HS1BP3: variants seen among roughly 807,000 people sequenced by gnomAD.
HS1BP3 encodes the protein HCLS1 binding protein 3.
HS1BP3 carries 32 observed loss-of-function variants against 33.5 expected under a neutral mutation model. That is an observed-to-expected ratio of 0.95 (90% CI 0.72 to 1.28). HS1BP3 has a LOEUF of 1.28. Among genes scored for constraint, HS1BP3 ranks in the 50% most tolerant of loss-of-function variants. The probability of loss-of-function intolerance (pLI) is 0.00; values close to 1 mark genes in which losing one functional copy is unlikely to be tolerated. For missense variants in HS1BP3, 486 were observed against 502.3 expected (o/e 0.97, Z 0.31); for synonymous variants, 187 against 209.2 (o/e 0.89, Z 0.92).
intron 4 of HS1BP3, chr2:20,635,815 C>T (rs374311375): frequency 1.8e-4 from 27 of 152,246 alleles, no homozygotes; most frequent in African/African-American, 6.3e-4. Context: ...GAGGTGAGGG[C>T]TTTTTCTATC....
downstream of HS1BP3, among the ~76,000 whole-genome samples, chr2:20,616,486 C>G (rs1572335395): frequency 6.6e-6 from 1 of 152,342 alleles, no homozygotes; most frequent in East Asian, 1.9e-4. Flanking sequence ...TGAAAGGGCC[C>G]CAGGGCCAGT....
chr2:20,622,402 C>A, intron 6 of HS1BP3: 1 of 1,112,546 alleles, frequency 9.0e-7, no homozygotes, highest in Non-Finnish European at 1.2e-6. Context: ...GGGACCCACA[C>A]TTTTTGAGCA....
intron 2 of HS1BP3, among the ~76,000 whole-genome samples, chr2:20,644,249 G>A (rs1007958581): frequency 2.6e-5 from 4 of 152,054 alleles, no homozygotes; most frequent in South Asian, 2.1e-4. Context: ...CTCTGACTCC[G>A]TAGATACCCA....
intron 6 of HS1BP3, chr2:20,622,593 CT>C: frequency 3.0e-6 from 1 of 333,948 alleles, no homozygotes; most frequent in Non-Finnish European, 6.0e-6. Context: ...GACCACCCCA[CT>C]GTACCACGTT....
intron 4 of HS1BP3, among the ~76,000 whole-genome samples, chr2:20,627,240 G>C (rs1206732937): frequency 6.6e-6 from 1 of 152,234 alleles, no homozygotes; most frequent in Admixed American, 6.5e-5. Context: ...GTCTGAGGCT[G>C]CTCTGCAGCC....
At chr2:20,585,523 C>G (rs531607891) in intron 5 of HS1BP3, among the ~76,000 whole-genome samples, 30 of 152,252 alleles carry the variant, frequency 2.0e-4, no homozygotes, top group African/African-American at 7.2e-4. Context: ...AGTAACTTGC[C>G]CAAGGTCACA....
At chr2:20,601,811 C>T (rs1248114652) in intron 2 of HS1BP3, among the ~76,000 whole-genome samples, 17 of 99,636 alleles carry the variant, frequency 1.7e-4, no homozygotes, top group African/African-American at 6.2e-4. Context: ...CGGAGTCTTG[C>T]TCTGTTGCCC....
chr2:20,606,339 C>T, intron 2 of HS1BP3: 1 of 472,540 alleles, frequency 2.1e-6, no homozygotes, highest in Non-Finnish European at 4.3e-6. Flanking sequence ...GTATAAATTA[C>T]TTGAACTCTG....
At chr2:20,650,276 A>G (rs1695651643) in intron 1 of HS1BP3, among the ~76,000 whole-genome samples, 1 of 152,134 alleles carries the variant, frequency 6.6e-6, no homozygotes, top group African/African-American at 2.4e-5. Flanking sequence ...GGTGAAGTGT[A>G]TGAAAATATT....
At chr2:20,638,401 C>T in intron 4 of HS1BP3, 35 bp downstream of exon 4, 5 of 1,589,704 alleles carry the variant, frequency 3.1e-6, no homozygotes, top group Non-Finnish European at 4.3e-6. Context: ...GCCTGGAATA[C>T]ACCAAAGGGG....
At chr2:20,609,769 T>C (rs536157405) in intron 2 of HS1BP3, among the ~76,000 whole-genome samples, 26 of 152,338 alleles carry the variant, frequency 1.7e-4, no homozygotes, top group Non-Finnish European at 2.6e-4. Flanking sequence ...CCAGGCCAAT[T>C]GAGGATTCTG....
In HS1BP3 at chr2:20,619,200, G is replaced by A; in HGVS notation, c.966C>T (p.Pro322=). The change falls in exon 7 of 7, where the codon CCC becomes CCT. Residue 322 remains proline (P), a synonymous_variant. Coordinates refer to ENST00000304031, the MANE Select transcript of HS1BP3 (RefSeq NM_022460.4). ...LDQILNLGAE[P]KPKPQLKPKP... Reference sequence around the variant, plus strand: ...TGGGCTTAAGCTGGGGCTTGGGTTTGGGCTCAGCTCCCAGGTTCAGAATCT... The same window carrying A: ...TGGGCTTAAGCTGGGGCTTGGGTTTAGGCTCAGCTCCCAGGTTCAGAATCT... 2 of 1,613,538 alleles carry A rather than the reference G, an allele frequency of 1.2e-6. No individual in the cohort carries two copies. The highest frequency in any genetic ancestry group is 1.3e-5 in the African/African-American group (1 of 75,020).
At chr2:20,599,709 T>C (rs1214621104) in intron 2 of HS1BP3, among the ~76,000 whole-genome samples, 4 of 151,850 alleles carry the variant, frequency 2.6e-5, no homozygotes, top group African/African-American at 9.7e-5. Context: ...TAACAATTGT[T>C]TTACAAGAGA....
chr2:20,592,247 C>G (rs946764828), downstream of HS1BP3, among the ~76,000 whole-genome samples: 2 of 152,140 alleles, frequency 1.3e-5, no homozygotes, highest in Admixed American at 1.3e-4. Context: ...ATTGCTTGAA[C>G]GCGGGAGGCA....
chr2:20,566,218 A>G (rs1479787234), intron 5 of HS1BP3, among the ~76,000 whole-genome samples: 1 of 152,230 alleles, frequency 6.6e-6, no homozygotes, highest in East Asian at 1.9e-4. Context: ...CCCCTGCAGT[A>G]GAGTTCAAGA....
chr2:20,607,292 G>A (rs1694213811), intron 2 of HS1BP3, among the ~76,000 whole-genome samples: 1 of 152,028 alleles, frequency 6.6e-6, no homozygotes, highest in African/African-American at 2.4e-5. Context: ...AGTAGCTGGA[G>A]TTACAGACAC....
intron 2 of HS1BP3, among the ~76,000 whole-genome samples, 181 bp from the exon 3 acceptor site, chr2:20,641,361 G>T (rs1296798558): frequency 1.3e-5 from 2 of 152,140 alleles, no homozygotes; most frequent in Non-Finnish European, 2.9e-5. Context: ...CTGGCCGATA[G>T]CAGATTCAAT....
intron 1 of HS1BP3, among the ~76,000 whole-genome samples, chr2:20,650,308 G>A (rs927830579): frequency 3.3e-5 from 5 of 152,168 alleles, no homozygotes; most frequent in African/African-American, 1.2e-4. Flanking sequence ...ACTTTACAGC[G>A]TTTTAAAGGC....
intron 2 of HS1BP3, chr2:20,606,716 A>G (rs1200385616): frequency 7.8e-6 from 2 of 256,422 alleles, no homozygotes; most frequent in East Asian, 2.0e-4. Flanking sequence ...ACAAAAAGAC[A>G]CTGAACATAT....
Sources: gnomAD v4.1 joint callset for allele counts (sites outside exome capture counted in the v4.1 genomes callset) on GRCh38, gnomAD v4.1.1 for gene constraint, MANE v1.5 for transcripts, NCBI Gene and HGNC (gene_info 2026-07-23, HGNC 2026-07-21) for gene names.